The following NDFIP2 variants were observed in gnomAD, a reference collection of about 807,000 sequenced individuals.
The protein encoded by NDFIP2 is NEDD4 family-interacting protein 2.
Under a neutral mutation model 36.0 loss-of-function variants are expected in NDFIP2, and 19 were observed. The observed-to-expected ratio is 0.53, with a 90% CI of 0.37 to 0.77. The LOEUF (loss-of-function observed/expected upper bound fraction) is 0.77. NDFIP2 is among the 30% of genes least tolerant of loss of function. NDFIP2 has a pLI of 0.00. For missense variants in NDFIP2, 446 were observed against 435.8 expected (o/e 1.02, Z -0.21); for synonymous variants, 181 against 167.7 (o/e 1.08, Z -0.61).
At chr13:79,536,991 A>G (rs950241957) in intron 3 of NDFIP2, among the ~76,000 whole-genome samples, 2 of 152,048 alleles carry the variant, frequency 1.3e-5, no homozygotes, top group African/African-American at 4.8e-5. Context: ...TGAAGACTGC[A>G]GTGAGCCATG....
In NDFIP2 at chr13:79,554,276, G is replaced by C. The variant is rs891850416; in HGVS notation, c.*1763G>C. 10 of 151,694 alleles carry C rather than the reference G, an allele frequency of 6.6e-5. No individual in the cohort carries two copies. Among genetic ancestry groups the C allele is most frequent in the African/African-American group, 2.2e-4 (9 of 41,394 alleles). 9.4% of individuals were successfully genotyped at this position (151,694 alleles called of 1,614,324 possible). A position where few individuals can be genotyped will look rare whatever the true frequency, so the allele number is the denominator to read the frequency against. On this transcript the variant is annotated 3_prime_UTR_variant, in exon 8 of 8. Coordinates refer to ENST00000218652, the MANE Select transcript of NDFIP2 (RefSeq NM_019080.3). ...TTTGGAAGTTAATTAAAATTAAACT[G>C]TACTAATAACATATTCAAACTCATG...
chr13:79,544,479 A>G (rs1407169773), intron 5 of NDFIP2, among the ~76,000 whole-genome samples: 1 of 150,210 alleles, frequency 6.7e-6, no homozygotes, highest in African/African-American at 2.5e-5. Flanking sequence ...CTTTTTACAA[A>G]TGTTTCTTCC....
At position 79,481,503 on chromosome 13, in the gene NDFIP2, G is replaced by A. The variant is rs1025277242; in HGVS notation, c.300G>A (p.Pro100=). 1.3e-6 allele frequency: 2 copies of A among 1,554,210 alleles called. No homozygotes were observed. Among genetic ancestry groups the A allele is most frequent in the African/African-American group, 1.4e-5 (1 of 73,118 alleles). Residue 100 remains proline, a synonymous_variant, in exon 1 of 8, where the codon CCG becomes CCA. Coordinates refer to ENST00000218652, the MANE Select transcript of NDFIP2 (RefSeq NM_019080.3). ...PEPGRMDHHQ[P]GTGRYQVLLN... ...CGGGCAGGATGGATCACCACCAGCC[G>A]GGGACTGGGCGCTACCAGGTGGTGA...
intron 2 of NDFIP2, among the ~76,000 whole-genome samples, chr13:79,525,292 A>G (rs1304624033): frequency 6.6e-6 from 1 of 152,224 alleles, no homozygotes; most frequent in Non-Finnish European, 1.5e-5. Flanking sequence ...CTAAGCACTT[A>G]TCACACACTG....
Position 79,481,377 on chromosome 13 carries a change from C to A in NDFIP2, c.174C>A (p.Asn58Lys), listed in dbSNP as rs918794393. 4.5e-6 allele frequency: 7 copies of A among 1,554,266 alleles called. No individual in the cohort carries two copies. Among genetic ancestry groups the A allele is most frequent in the Middle Eastern group, 1.7e-4 (1 of 5,996 alleles). ...ELPPGDRGCR[N>K]GGGRGPAATT... Reference sequence around the variant, plus strand: ...CGCCGGGAGACCGCGGCTGCAGGAACGGAGGCGGAAGGGGCCCTGCGGCGA... The same window carrying A: ...CGCCGGGAGACCGCGGCTGCAGGAAAGGAGGCGGAAGGGGCCCTGCGGCGA... Residue 58 changes from asparagine to lysine, a missense_variant, in exon 1 of 8, where the codon AAC becomes AAA. Asn to Lys is a moderately conservative substitution (Grantham distance 94, BLOSUM62 0). Around this residue, in one of 2 missense-constraint regions of NDFIP2, gnomAD observed 369 missense variants for 304.8 expected, o/e 1.21. Transcript: ENST00000218652.
At chr13:79,500,645 T>A (rs1447128693) in intron 1 of NDFIP2, among the ~76,000 whole-genome samples, 1 of 151,940 alleles carries the variant, frequency 6.6e-6, no homozygotes, top group African/African-American at 2.4e-5. Context: ...ATGGCCCAAA[T>A]TCAGAACGCT....
chr13:79,517,048 TATATCTATAAAG>T (rs1366920010), intron 1 of NDFIP2, among the ~76,000 whole-genome samples: 1 of 152,218 alleles, frequency 6.6e-6, no homozygotes, highest in African/African-American at 2.4e-5. Context: ...ATGCTCAGTA[TATATCTATAAAG>T]ACTAGCCACA....
rs148174692 is a variant in NDFIP2, at chr13:79,546,362, A to T, written c.841-1966A>T. Among the ~76,000 whole-genome samples, 6 of 152,336 alleles carry T rather than the reference A, an allele frequency of 3.9e-5. No homozygotes were observed. In the East Asian group the frequency reaches 1.2e-3, roughly 29 times the overall value. The stretch of plus-strand genomic sequence containing the variant: ...TTTTTTATTATGTGGTTAAAAATAC[A>T]TATGTGTTTTATTAAAAACTAACAA... On this transcript the variant is annotated intron_variant, in intron 5 of 7. Coordinates refer to ENST00000218652, the MANE Select transcript of NDFIP2 (RefSeq NM_019080.3).
intron 1 of NDFIP2, among the ~76,000 whole-genome samples, chr13:79,505,946 C>T (rs962936119): frequency 1.3e-5 from 2 of 152,086 alleles, no homozygotes; most frequent in African/African-American, 4.8e-5. Flanking sequence ...TGTTTATGTA[C>T]TTGACTTTCT....
chr13:79,508,655 T>C (rs1490652838), intron 1 of NDFIP2, among the ~76,000 whole-genome samples: 1 of 152,200 alleles, frequency 6.6e-6, no homozygotes, highest in Non-Finnish European at 1.5e-5. Context: ...CCGGCTTCTT[T>C]ACTGCAGACT....
intron 2 of NDFIP2, among the ~76,000 whole-genome samples, chr13:79,531,041 T>G (rs1256840642): frequency 2.0e-5 from 3 of 152,164 alleles, no homozygotes; most frequent in African/African-American, 7.2e-5. Context: ...AGCTCTAAAA[T>G]CATAAGACTT....
intron 5 of NDFIP2, among the ~76,000 whole-genome samples, chr13:79,547,403 A>T (rs1417084483): frequency 6.6e-6 from 1 of 152,204 alleles, no homozygotes; most frequent in East Asian, 1.9e-4. Context: ...TTTGCAGACC[A>T]GTGGAAACAG....
intron 1 of NDFIP2, among the ~76,000 whole-genome samples, chr13:79,502,470 C>T (rs1463451317): frequency 6.6e-6 from 1 of 152,088 alleles, no homozygotes. Context: ...ATCCGTAGCT[C>T]TGGATTTAGT....
intron 1 of NDFIP2, among the ~76,000 whole-genome samples, chr13:79,500,480 AT>A (rs772371673): frequency 6.6e-6 from 1 of 152,032 alleles, no homozygotes; most frequent in Non-Finnish European, 1.5e-5. Flanking sequence ...TATACAAAGA[AT>A]TCTCAAACTA....
At position 79,502,424 on chromosome 13, in the gene NDFIP2, G is replaced by A. The variant is rs139576257; in HGVS notation, c.322-18386G>A. On this transcript the variant is annotated intron_variant, in intron 1 of 7. Transcript: ENST00000218652. ...ACTTAAACCAAACCAGTTACACACC[G>A]TCCAGCTTCAGTCCAGTCCCTGGGT... 2.9e-3 allele frequency among the ~76,000 whole-genome samples: 441 copies of A among 152,198 alleles called. 4 individuals carry two copies. The highest frequency in any genetic ancestry group is 0.01 in the African/African-American group (425 of 41,532).
chr13:79,532,553 G>A (rs938451419), intron 2 of NDFIP2, among the ~76,000 whole-genome samples: 1 of 152,130 alleles, frequency 6.6e-6, no homozygotes, highest in African/African-American at 2.4e-5. Context: ...CTATTGTAAT[G>A]TATTTCTGGA....
At position 79,520,934 on chromosome 13, in the gene NDFIP2, C is replaced by T. The variant is rs1874551677; in HGVS notation, c.446C>T (p.Pro149Leu). 6.2e-7 allele frequency: 1 copy of T among 1,613,762 alleles called. No homozygotes were observed. Among genetic ancestry groups the T allele is most frequent in the Non-Finnish European group, 8.5e-7 (1 of 1,179,798 alleles). Reference sequence around the variant, plus strand: ...GCACTTGAAACTGACTCTTCCCCTCCACCATATAGTAGTATTACTGTGGAA... The same window carrying T: ...GCACTTGAAACTGACTCTTCCCCTCTACCATATAGTAGTATTACTGTGGAA... ...APALETDSSP[P>L]PYSSITVEVP... Residue 149 changes from proline to leucine, a missense_variant, in exon 2 of 8, where the codon CCA becomes CTA. Transcript: ENST00000218652.
At chr13:79,506,948 T>G (rs918273072) in intron 1 of NDFIP2, among the ~76,000 whole-genome samples, 1 of 152,088 alleles carries the variant, frequency 6.6e-6, no homozygotes, top group Non-Finnish European at 1.5e-5. Flanking sequence ...TCACTAAAAT[T>G]GGGAAAATAG....
intron 1 of NDFIP2, among the ~76,000 whole-genome samples, chr13:79,514,208 T>C (rs1357763713): frequency 6.6e-6 from 1 of 152,220 alleles, no homozygotes; most frequent in Non-Finnish European, 1.5e-5. Flanking sequence ...TGGCAACATA[T>C]TAAGAAAAGT....
Sources: allele counts gnomAD v4.1 joint callset (sites outside exome capture counted in the v4.1 genomes callset), GRCh38; gene constraint gnomAD v4.1.1; regional missense constraint gnomAD v4.1.1; transcripts MANE v1.5; gene names NCBI Gene and HGNC (gene_info 2026-07-23, HGNC 2026-07-21).